The following GPD2 variants were observed in gnomAD, a reference collection of about 807,000 sequenced individuals.
GPD2 encodes the protein glycerol-3-phosphate dehydrogenase 2, also known as glycerol-3-phosphate dehydrogenase, mitochondrial.
GPD2 carries 54 observed loss-of-function variants against 82.4 expected under a neutral mutation model. The observed-to-expected ratio is 0.66, with a 90% CI of 0.53 to 0.82. The LOEUF is 0.82. Ranked by LOEUF, GPD2 falls within the 40% of genes least tolerant of loss-of-function variation. The pLI is 0.00. For synonymous variants in GPD2, 288 were observed against 306.1 expected (o/e 0.94, Z 0.62); for missense variants, 748 against 896.2 (o/e 0.83, Z 2.11).
intron 6 of GPD2, among the ~76,000 whole-genome samples, chr2:156,548,349 T>C (rs185222240): frequency 1.1e-3 from 166 of 152,360 alleles, no homozygotes; most frequent in African/African-American, 3.8e-3. Context: ...ATTGTTTTTT[T>C]CTTCTACTTT....
intron 6 of GPD2, among the ~76,000 whole-genome samples, chr2:156,537,201 C>T (rs985793581): frequency 6.6e-6 from 1 of 152,164 alleles, no homozygotes; most frequent in African/African-American, 2.4e-5. Flanking sequence ...AGGGATGGGG[C>T]TCCCTGTATA....
intron 6 of GPD2, among the ~76,000 whole-genome samples, chr2:156,514,239 A>G (rs927231303): frequency 6.6e-6 from 1 of 152,150 alleles, no homozygotes; most frequent in African/African-American, 2.4e-5. Flanking sequence ...AAAACAGGCA[A>G]AGCCATTTGT....
the GPD2 span, among the ~76,000 whole-genome samples, chr2:156,415,457 C>T: frequency 1.3e-5 from 2 of 152,062 alleles, no homozygotes; most frequent in Non-Finnish European, 2.9e-5. Flanking sequence ...CGCGCGCAGC[C>T]GTTGTATCAT....
chr2:156,514,500 G>T (rs1427014487), intron 6 of GPD2, among the ~76,000 whole-genome samples: 1 of 150,756 alleles, frequency 6.6e-6, no homozygotes, highest in African/African-American at 2.4e-5. Context: ...TTTTTTTCAG[G>T]ATACTTTGAT....
chr2:156,421,097 T>C, the GPD2 span, among the ~76,000 whole-genome samples: 1 of 152,194 alleles, frequency 6.6e-6, no homozygotes, highest in Non-Finnish European at 1.5e-5. Flanking sequence ...GGTCTGAGAT[T>C]CTACATTTCA....
intron 2 of GPD2, among the ~76,000 whole-genome samples, chr2:156,485,676 T>TG: frequency 6.6e-6 from 1 of 152,310 alleles, no homozygotes; most frequent in East Asian, 1.9e-4. Flanking sequence ...TGTGGATAGG[T>TG]GGGGAACCTA....
At chr2:156,582,592 C>CA (rs1688065396) in intron 16 of GPD2, among the ~76,000 whole-genome samples, 2 of 151,326 alleles carry the variant, frequency 1.3e-5, no homozygotes, top group Admixed American at 6.6e-5. Context: ...GTTTTTGTGG[C>CA]AGTGTTGAAA....
intron 6 of GPD2, among the ~76,000 whole-genome samples, chr2:156,533,025 A>C (rs963507166): frequency 6.6e-6 from 1 of 152,194 alleles, no homozygotes; most frequent in African/African-American, 2.4e-5. Context: ...GGAGAGAATG[A>C]AGTTACTCCA....
At chr2:156,401,958 G>A in the GPD2 span, among the ~76,000 whole-genome samples, 1 of 152,030 alleles carries the variant, frequency 6.6e-6, no homozygotes, top group Non-Finnish European at 1.5e-5. Flanking sequence ...TTATCTCTGG[G>A]AGGGAAATAC....
chr2:156,466,723 A>T (rs1042897335), intron 1 of GPD2, among the ~76,000 whole-genome samples: 2 of 152,234 alleles, frequency 1.3e-5, no homozygotes, highest in African/African-American at 4.8e-5. Context: ...CCCCCATCAC[A>T]CATCAGAAAT....
In GPD2 at chr2:156,570,218, G is replaced by T. The variant is rs1421758586; in HGVS notation, c.1608G>T (p.Glu536Asp). ...CAGAATTTCCATATATTGAAGCAGA[G>T]GTATGTGAATGGTCACATAGGAATT... Reference protein sequence around the residue: ...LVSEFPYIEAEVKYGIKEYAC... With the variant: ...LVSEFPYIEADVKYGIKEYAC... Residue 536 changes from glutamate (E) to aspartate (D), a missense_variant and splice_region_variant, in exon 12 of 17, where the codon GAG becomes GAT. Coordinates refer to ENST00000438166, the MANE Select transcript of GPD2 (RefSeq NM_000408.5). 6.2e-7 allele frequency: 1 copy of T among 1,611,976 alleles called. No individual in the cohort carries two copies. Among genetic ancestry groups the T allele is most frequent in the Admixed American group, 1.7e-5 (1 of 59,968 alleles).
At chr2:156,484,111 T>G (rs2105217529) in intron 2 of GPD2, among the ~76,000 whole-genome samples, 1 of 151,998 alleles carries the variant, frequency 6.6e-6, no homozygotes, top group East Asian at 1.9e-4. Flanking sequence ...TTTGCACAGG[T>G]TTGTAAGCAA....
At chr2:156,509,339 T>TA (rs1484629852) in intron 3 of GPD2, among the ~76,000 whole-genome samples, 2 of 152,162 alleles carry the variant, frequency 1.3e-5, no homozygotes, top group African/African-American at 4.8e-5. Flanking sequence ...TTTAAACTGT[T>TA]AAAAGTTATA....
chr2:156,492,147 C>CTTT lies in GPD2; in HGVS notation c.103-3874_103-3872dup, dbSNP rs770947790. Among the ~76,000 whole-genome samples the CTTT allele has an allele frequency of 8.9e-3, 671 of 75,528 alleles. 15 individuals are homozygous for CTTT. Among genetic ancestry groups the CTTT allele is most frequent in the Middle Eastern group, 0.032 (2 of 62 alleles). 49.5% of individuals were successfully genotyped at this position (75,528 alleles called of 152,430 possible). On this transcript the variant is annotated intron_variant, in intron 2 of 16. Transcript: ENST00000438166. Reference sequence around the variant, plus strand: ...CCACCACTTGGTATTCCCTCCCTACCTTTTTTTTTTTTTTTTTTTTTTTTT... The same window carrying CTTT: ...CCACCACTTGGTATTCCCTCCCTACCTTTTTTTTTTTTTTTTTTTTTTTTTTTT...
chr2:156,567,460 A>G (rs1183680558), intron 9 of GPD2, among the ~76,000 whole-genome samples: 1 of 152,144 alleles, frequency 6.6e-6, no homozygotes, highest in Non-Finnish European at 1.5e-5. Flanking sequence ...AAGACTATAT[A>G]CAGTCAATTT....
At chr2:156,477,660 T>C (rs1006347073) in intron 2 of GPD2, among the ~76,000 whole-genome samples, 2 of 152,236 alleles carry the variant, frequency 1.3e-5, no homozygotes, top group African/African-American at 2.4e-5. Context: ...TTTTATTTTT[T>C]GAATTGACAC....
At chr2:156,417,573 G>A in the GPD2 span, among the ~76,000 whole-genome samples, 1 of 152,024 alleles carries the variant, frequency 6.6e-6, no homozygotes. Context: ...GTTAGTTCGT[G>A]AGATGCTTTT....
the GPD2 span, among the ~76,000 whole-genome samples, chr2:156,420,468 G>A: frequency 1.3e-5 from 2 of 152,092 alleles, no homozygotes; most frequent in Non-Finnish European, 2.9e-5. Context: ...ACCGCTCATG[G>A]CCCATCAGTT....
intron 6 of GPD2, among the ~76,000 whole-genome samples, chr2:156,547,545 T>C (rs1254027902): frequency 2.6e-5 from 4 of 152,140 alleles, no homozygotes; most frequent in Non-Finnish European, 5.9e-5. Flanking sequence ...ACATCTCAGA[T>C]TTGAGTCAAG....
Sources: gnomAD v4.1 joint callset for allele counts (sites outside exome capture counted in the v4.1 genomes callset) on GRCh38, gnomAD v4.1.1 for gene constraint, MANE v1.5 for transcripts, NCBI Gene and HGNC (gene_info 2026-07-23, HGNC 2026-07-21) for gene names.